Variants in SLC6A11 observed in about 807,000 individuals in gnomAD.
The protein encoded by SLC6A11 is solute carrier family 6 member 11, also known as sodium- and chloride-dependent GABA transporter 3.
In SLC6A11, 25 loss-of-function variants were observed where a neutral mutation model predicts 74.8. The observed-to-expected ratio is 0.33, with a 90% CI of 0.24 to 0.47. The LOEUF (loss-of-function observed/expected upper bound fraction) is 0.47. Ranked by LOEUF, SLC6A11 falls within the 20% of genes least tolerant of loss-of-function variation. SLC6A11 has a pLI of 1.00. For synonymous variants in SLC6A11, 330 were observed against 330.2 expected (o/e 1.00, Z 0.01); for missense variants, 574 against 837.0 (o/e 0.69, Z 3.88).
intron 5 of SLC6A11, among the ~76,000 whole-genome samples, chr3:10,849,076 C>T (rs989489830): frequency 2.0e-5 from 3 of 152,160 alleles, no homozygotes; most frequent in Admixed American, 1.3e-4. Context: ...TTTATCTCCC[C>T]GTTCCAATAA....
intron 5 of SLC6A11, among the ~76,000 whole-genome samples, chr3:10,872,131 A>T (rs1193354788): frequency 6.6e-6 from 1 of 152,240 alleles, no homozygotes; most frequent in East Asian, 1.9e-4. Flanking sequence ...GATTGCATAC[A>T]TAGGTAGCCT....
chr3:10,842,402 G>A (rs1401052980), intron 4 of SLC6A11, among the ~76,000 whole-genome samples: 2 of 152,190 alleles, frequency 1.3e-5, no homozygotes, highest in Non-Finnish European at 2.9e-5. Flanking sequence ...TCTGGTGGGG[G>A]TGCAGAAAGT....
At position 10,934,117 on chromosome 3, in the gene SLC6A11, C is replaced by G. The variant is rs147153908; in HGVS notation, c.1526C>G (p.Pro509Arg). Reference sequence around the variant, plus strand: ...GAAGACATGATTGGCTACCGGCCACCGTCGCTCATTAAGTGGTGCTGGATG... The same window carrying G: ...GAAGACATGATTGGCTACCGGCCACGGTCGCTCATTAAGTGGTGCTGGATG... ...NIEDMIGYRP[P>R]SLIKWCWMIM... Residue 509 changes from proline to arginine, a missense_variant, in exon 12 of 14, where the codon CCG (proline) becomes CGG (arginine). Physicochemically the swap from Pro to Arg is moderately radical, Grantham distance 103. Around this residue, in one of 4 missense-constraint regions of SLC6A11, gnomAD observed 257 missense variants for 341.5 expected, o/e 0.75. Coordinates refer to ENST00000254488, the MANE Select transcript of SLC6A11 (RefSeq NM_014229.3). 313 of 1,613,862 alleles carry G rather than the reference C, an allele frequency of 1.9e-4. No homozygotes were observed. Among genetic ancestry groups the G allele is most frequent in the Non-Finnish European group, 2.5e-4 (295 of 1,179,886 alleles).
At chr3:10,846,052 T>C (rs994033056) in intron 5 of SLC6A11, among the ~76,000 whole-genome samples, 10 of 152,170 alleles carry the variant, frequency 6.6e-5, no homozygotes, top group African/African-American at 2.2e-4. Context: ...ATAAGTGAGC[T>C]TACCACCACA....
At chr3:10,880,188 C>T (rs1456493300) in intron 6 of SLC6A11, among the ~76,000 whole-genome samples, 2 of 152,042 alleles carry the variant, frequency 1.3e-5, no homozygotes, top group African/African-American at 4.8e-5. Flanking sequence ...GAAGAGGGGT[C>T]GACTGGAAGT....
At chr3:10,934,746 G>A (rs1328931946) in intron 12 of SLC6A11, among the ~76,000 whole-genome samples, 1 of 152,232 alleles carries the variant, frequency 6.6e-6, no homozygotes, top group Non-Finnish European at 1.5e-5. Flanking sequence ...CAGAGGCCGG[G>A]GAAGAGGCTC....
intron 5 of SLC6A11, among the ~76,000 whole-genome samples, chr3:10,869,643 A>T (rs1312185281): frequency 5.3e-5 from 8 of 152,268 alleles, no homozygotes; most frequent in African/African-American, 1.7e-4. Context: ...GCCAAGTCAC[A>T]CGGCAAGCCC....
chr3:10,931,388 A>G (rs1695683850), intron 10 of SLC6A11, among the ~76,000 whole-genome samples: 1 of 151,740 alleles, frequency 6.6e-6, no homozygotes. Context: ...GAGGAGAGCA[A>G]CGGGAGGTGG....
At chr3:10,846,537 C>T (rs575454891) in intron 5 of SLC6A11, among the ~76,000 whole-genome samples, 2 of 152,210 alleles carry the variant, frequency 1.3e-5, no homozygotes, top group Non-Finnish European at 2.9e-5. Context: ...TGCGGTTTCA[C>T]TTTAGCCATA....
At chr3:10,896,395 C>T (rs757483553) in intron 6 of SLC6A11, among the ~76,000 whole-genome samples, 4 of 152,246 alleles carry the variant, frequency 2.6e-5, no homozygotes, top group Non-Finnish European at 4.4e-5. Flanking sequence ...CAAACCTAGT[C>T]TCATTTTGTC....
At chr3:10,819,292 T>C (rs939930710) in intron 1 of SLC6A11, among the ~76,000 whole-genome samples, 173 bp from the exon 2 acceptor site, 8 of 152,184 alleles carry the variant, frequency 5.3e-5, no homozygotes, top group Non-Finnish European at 1.0e-4. Flanking sequence ...AGATGTGAGG[T>C]AGACTTACAG....
At chr3:10,923,467 G>T (rs1028124422) in intron 8 of SLC6A11, among the ~76,000 whole-genome samples, 4 of 151,988 alleles carry the variant, frequency 2.6e-5, no homozygotes, top group African/African-American at 9.7e-5. Flanking sequence ...TGATAGTATT[G>T]GATTTTAACC....
chr3:10,896,380 C>T (rs988991521), intron 6 of SLC6A11, among the ~76,000 whole-genome samples: 2 of 152,240 alleles, frequency 1.3e-5, no homozygotes, highest in Non-Finnish European at 2.9e-5. Flanking sequence ...TCTGTGCACA[C>T]TCTACAAACC....
At chr3:10,872,874 C>T (rs1694843288) in intron 5 of SLC6A11, among the ~76,000 whole-genome samples, 1 of 152,206 alleles carries the variant, frequency 6.6e-6, no homozygotes, top group Admixed American at 6.5e-5. Context: ...AGCTTGCATG[C>T]GTATCTGCAT....
intron 13 of SLC6A11, among the ~76,000 whole-genome samples, chr3:10,935,609 C>G (rs930883736): frequency 1.4e-4 from 21 of 152,212 alleles, no homozygotes; most frequent in Admixed American, 1.2e-3. Flanking sequence ...TGCTGTATCT[C>G]CTGCCATCCT....
rs1190944269 is a variant in SLC6A11, at chr3:10,926,016, C to T, written c.1133C>T (p.Ala378Val). The stretch of plus-strand genomic sequence containing the variant: ...TCCCTCGCTCCAGGCCCCGGCCTGG[C>T]CTTTATTGCGTACCCCAAGGCGGTC... ...AEVAESGPGL[A>V]FIAYPKAVTM... Residue 378 changes from alanine to valine, a missense_variant, in exon 9 of 14, where the codon GCC (alanine) becomes GTC (valine). Ala to Val is a moderately conservative substitution (Grantham distance 64). Around this residue, in one of 4 missense-constraint regions of SLC6A11, gnomAD observed 257 missense variants for 341.5 expected, o/e 0.75. Coordinates refer to ENST00000254488, the MANE Select transcript of SLC6A11 (RefSeq NM_014229.3). The surrounding 1 kb of genome is among the most constrained non-coding windows in gnomAD (Gnocchi z 5.7). 1.2e-6 allele frequency: 2 copies of T among 1,609,314 alleles called. No individual in the cohort carries two copies. Among genetic ancestry groups the T allele is most frequent in the East Asian group, 2.2e-5 (1 of 44,824 alleles).
intron 5 of SLC6A11, among the ~76,000 whole-genome samples, chr3:10,864,928 A>G (rs1223171432): frequency 1.3e-5 from 2 of 152,086 alleles, no homozygotes; most frequent in Non-Finnish European, 1.5e-5. Context: ...CCAGCCTTCC[A>G]CTGCTGCCCC....
intron 6 of SLC6A11, among the ~76,000 whole-genome samples, chr3:10,876,658 A>G (rs1694909868): frequency 6.8e-6 from 1 of 146,902 alleles, no homozygotes; most frequent in Admixed American, 7.0e-5. Context: ...CATCCATATT[A>G]TTAAGAACCC....
intron 5 of SLC6A11, among the ~76,000 whole-genome samples, chr3:10,856,948 G>A (rs1224646951): frequency 6.6e-6 from 1 of 152,192 alleles, no homozygotes; most frequent in Non-Finnish European, 1.5e-5. Flanking sequence ...GAGGCGATGT[G>A]TGGAAATACT....
Sources: allele counts gnomAD v4.1 joint callset (sites outside exome capture counted in the v4.1 genomes callset), GRCh38; gene constraint gnomAD v4.1.1; regional missense constraint gnomAD v4.1.1; non-coding constraint Gnocchi (gnomAD v3.1); transcripts MANE v1.5; gene names NCBI Gene and HGNC (gene_info 2026-07-23, HGNC 2026-07-21).